MAPK10: variants seen among roughly 807,000 people sequenced by gnomAD.
MAPK10 encodes JNK3 alpha protein kinase.
Under a neutral mutation model 59.3 loss-of-function variants are expected in MAPK10, and 25 were observed. That is an observed-to-expected ratio of 0.42 (90% confidence interval 0.31 to 0.59). The LOEUF is 0.59. MAPK10 is among the 20% of genes least tolerant of loss of function. MAPK10 has a pLI of 0.15. For missense variants in MAPK10, 351 were observed against 568.9 expected, an observed-to-expected ratio of 0.62 and a Z score of 3.90; for synonymous variants, 190 against 200.5, an observed-to-expected ratio of 0.95 and a Z score of 0.44.
intron 3 of MAPK10, among the ~76,000 whole-genome samples, chr4:86,161,904 C>A (rs945395320): frequency 2.6e-5 from 4 of 151,992 alleles, no homozygotes; most frequent in Non-Finnish European, 5.9e-5. Flanking sequence ...GTCAATATAT[C>A]ATAGTTGATT....
At chr4:86,539,117 T>C (rs1758475051) in intron 1 of MAPK10, among the ~76,000 whole-genome samples, 1 of 152,140 alleles carries the variant, frequency 6.6e-6, no homozygotes, top group African/African-American at 2.4e-5. Context: ...TGGAAAAGAA[T>C]ATATTCTAAG....
intron 2 of MAPK10, among the ~76,000 whole-genome samples, chr4:86,242,734 T>G (rs952800638): frequency 6.6e-6 from 1 of 152,168 alleles, no homozygotes; most frequent in African/African-American, 2.4e-5. Flanking sequence ...GCTACAGAAG[T>G]AGGTGCTGCT....
chr4:86,335,124 C>T (rs919743449), intron 2 of MAPK10: 1 of 152,182 alleles, frequency 6.6e-6, no homozygotes, highest in Non-Finnish European at 1.5e-5. Flanking sequence ...TCTCCACACA[C>T]CAACCCTGCG....
At chr4:86,404,465 G>A (rs563723219) in intron 1 of MAPK10, among the ~76,000 whole-genome samples, 1 of 152,248 alleles carries the variant, frequency 6.6e-6, no homozygotes, top group Non-Finnish European at 1.5e-5. Flanking sequence ...CTATGCTAAT[G>A]TACTTACCAA....
At chr4:86,358,363 TG>T in intron 1 of MAPK10, 1 of 985,432 alleles carries the variant, frequency 1.0e-6, no homozygotes, top group Non-Finnish European at 1.2e-6. Context: ...TGGCAATGCC[TG>T]GTGCACTTAC....
At chr4:86,319,763 A>G (rs763929631) in intron 2 of MAPK10, among the ~76,000 whole-genome samples, 1 of 152,202 alleles carries the variant, frequency 6.6e-6, no homozygotes, top group Non-Finnish European at 1.5e-5. Flanking sequence ...TCTTCAATCA[A>G]TGAGGGATGG....
chr4:86,350,610 A>G (rs1007609654), intron 2 of MAPK10, among the ~76,000 whole-genome samples: 1 of 152,152 alleles, frequency 6.6e-6, no homozygotes, highest in Non-Finnish European at 1.5e-5. Flanking sequence ...TGACCTCCCA[A>G]AGTGCTGGGA....
At chr4:86,126,286 A>G (rs1055188870) in intron 4 of MAPK10, among the ~76,000 whole-genome samples, 2 of 151,992 alleles carry the variant, frequency 1.3e-5, no homozygotes, top group Non-Finnish European at 2.9e-5. Context: ...CCCATACTCA[A>G]TCACTATCCA....
intron 2 of MAPK10, among the ~76,000 whole-genome samples, chr4:86,346,029 G>A (rs1232479610): frequency 6.6e-6 from 1 of 152,190 alleles, no homozygotes; most frequent in East Asian, 1.9e-4. Flanking sequence ...CAGAAGCAGA[G>A]ATAGATGAAA....
intron 1 of MAPK10, among the ~76,000 whole-genome samples, chr4:86,452,024 G>A (rs1259881152): frequency 6.6e-6 from 1 of 152,150 alleles, no homozygotes; most frequent in African/African-American, 2.4e-5. Flanking sequence ...TTACAAGTGA[G>A]GAGACTGAAA....
intron 3 of MAPK10, chr4:86,193,962 A>G (rs897165135): frequency 4.6e-6 from 1 of 219,108 alleles, no homozygotes; most frequent in African/African-American, 2.3e-5. Flanking sequence ...ACCATTCCTC[A>G]TGGCACAGTT....
At chr4:86,219,177 CAGAGAG>C (rs144539913) in intron 2 of MAPK10, among the ~76,000 whole-genome samples, 7 of 150,470 alleles carry the variant, frequency 4.7e-5, no homozygotes, top group African/African-American at 1.5e-4. Context: ...TTGAGAGAGA[CAGAGAG>C]AGAGAGAGAG....
chr4:86,482,545 C>T (rs1406778784), intron 1 of MAPK10, among the ~76,000 whole-genome samples: 2 of 152,048 alleles, frequency 1.3e-5, no homozygotes, highest in African/African-American at 4.8e-5. Flanking sequence ...ACAGAGAGCT[C>T]CTGCCGTTGT....
intron 1 of MAPK10, among the ~76,000 whole-genome samples, chr4:86,514,735 A>G (rs976866873): frequency 1.3e-5 from 2 of 152,228 alleles, no homozygotes; most frequent in Non-Finnish European, 2.9e-5. Context: ...GAAAAGTTTC[A>G]TCATTTCTGT....
At chr4:86,353,851 T>G (rs1732979934) in intron 2 of MAPK10, among the ~76,000 whole-genome samples, 1 of 152,172 alleles carries the variant, frequency 6.6e-6, no homozygotes, top group African/African-American at 2.4e-5. Context: ...CTCGTTCATC[T>G]CTGCTGGAAT....
intron 9 of MAPK10, among the ~76,000 whole-genome samples, chr4:86,098,027 G>C (rs2054564664): frequency 6.6e-6 from 1 of 152,122 alleles, no homozygotes; most frequent in Non-Finnish European, 1.5e-5. Context: ...AGGAAGATAT[G>C]CTATATTGAC....
intron 4 of MAPK10, among the ~76,000 whole-genome samples, chr4:86,137,136 G>A (rs867145770): frequency 0.031 from 4,556 of 146,890 alleles, 238 homozygotes; most frequent in African/African-American, 0.12. Context: ...CGAGACAGAA[G>A]GTCAACAAGG....
intron 2 of MAPK10, among the ~76,000 whole-genome samples, chr4:86,273,329 C>A (rs2094486723): frequency 1.3e-5 from 2 of 151,980 alleles, no homozygotes; most frequent in Admixed American, 1.3e-4. Flanking sequence ...TTAGCTAAAT[C>A]CAAAAATCCT....
At chr4:86,564,937 CTG>C (rs1264107603) in intron 1 of MAPK10, among the ~76,000 whole-genome samples, 4 of 152,138 alleles carry the variant, frequency 2.6e-5, no homozygotes, top group Middle Eastern at 3.2e-3. Flanking sequence ...ACACTGGAAA[CTG>C]TGCTTAATGA....
Sources: allele counts gnomAD v4.1 joint callset (sites outside exome capture counted in the v4.1 genomes callset), GRCh38; gene constraint gnomAD v4.1.1; transcripts MANE v1.5; gene names NCBI Gene and HGNC (gene_info 2026-07-23, HGNC 2026-07-21).